TENM4: variants seen among roughly 807,000 people sequenced by gnomAD.
TENM4 encodes the protein teneurin transmembrane protein 4, also known as teneurin-4.
In TENM4, 82 loss-of-function variants were observed where a neutral mutation model predicts 243.3. That is an observed-to-expected ratio of 0.34 (90% CI 0.28 to 0.40). TENM4 has a LOEUF of 0.40. Among genes scored for constraint, TENM4 ranks in the 10% least tolerant of loss-of-function variants. The pLI is 1.00. For missense variants in TENM4, 3,138 were observed against 3,673.3 expected (o/e 0.85, Z 3.77); for synonymous variants, 1,412 against 1,456.3 (o/e 0.97, Z 0.69).
At chr11:78,868,529 C>A (rs550730107) in intron 9 of TENM4, among the ~76,000 whole-genome samples, 1 of 152,134 alleles carries the variant, frequency 6.6e-6, no homozygotes, top group African/African-American at 2.4e-5. Flanking sequence ...ACATTTTCCC[C>A]GTCGCCTTTT....
intron 2 of TENM4, among the ~76,000 whole-genome samples, chr11:79,245,723 T>A (rs1028124161): frequency 1.1e-4 from 17 of 151,966 alleles, no homozygotes; most frequent in Non-Finnish European, 2.4e-4. Context: ...GCAGATCACC[T>A]GAGGTCAGGA....
chr11:78,983,805 C>A (rs1857858659), intron 6 of TENM4, among the ~76,000 whole-genome samples: 1 of 151,948 alleles, frequency 6.6e-6, no homozygotes, highest in Non-Finnish European at 1.5e-5. Flanking sequence ...GCTGGGTGGG[C>A]TCAGTGGGGT....
chr11:79,134,717 G>A (rs1189410282), intron 4 of TENM4, among the ~76,000 whole-genome samples: 2 of 151,954 alleles, frequency 1.3e-5, no homozygotes, highest in Admixed American at 6.6e-5. Flanking sequence ...ACTGATCTTC[G>A]ACAAAGCAAA....
At chr11:78,789,176 G>T (rs1044140185) in intron 15 of TENM4, among the ~76,000 whole-genome samples, 4 of 152,104 alleles carry the variant, frequency 2.6e-5, no homozygotes, top group Non-Finnish European at 5.9e-5. Context: ...GATGAATTAC[G>T]GTATGCCTGG....
intron 4 of TENM4, among the ~76,000 whole-genome samples, chr11:79,132,705 T>A (rs914079035): frequency 6.6e-6 from 1 of 151,978 alleles, no homozygotes; most frequent in Non-Finnish European, 1.5e-5. Flanking sequence ...TTTAAAACCA[T>A]GAAAAAAACA....
intron 1 of TENM4, among the ~76,000 whole-genome samples, chr11:79,417,543 T>C (rs1858844685): frequency 1.3e-5 from 2 of 151,954 alleles, no homozygotes; most frequent in Non-Finnish European, 2.9e-5. Context: ...AACTTCGCAT[T>C]CTGCTTCTAA....
At chr11:78,847,001 A>T (rs1858411100) in intron 12 of TENM4, among the ~76,000 whole-genome samples, 1 of 152,202 alleles carries the variant, frequency 6.6e-6, no homozygotes, top group African/African-American at 2.4e-5. Context: ...ATGTAAGCTG[A>T]ATGTTTTAGG....
At chr11:79,043,660 T>A (rs763352888) in intron 6 of TENM4, among the ~76,000 whole-genome samples, 2 of 152,218 alleles carry the variant, frequency 1.3e-5, no homozygotes, top group African/African-American at 2.4e-5. Context: ...TTTTTGTCTA[T>A]AATCACTAAA....
intron 6 of TENM4, among the ~76,000 whole-genome samples, chr11:79,058,361 G>A (rs1208533681): frequency 6.6e-6 from 1 of 152,022 alleles, no homozygotes; most frequent in African/African-American, 2.4e-5. Flanking sequence ...GGCTAACACA[G>A]TGAAACCCTG....
At chr11:79,323,510 G>A (rs990466725) in intron 1 of TENM4, among the ~76,000 whole-genome samples, 1 of 152,180 alleles carries the variant, frequency 6.6e-6, no homozygotes, top group East Asian at 1.9e-4. Flanking sequence ...CACCCTCTAG[G>A]TCAAGACTTC....
Position 78,891,345 on chromosome 11 carries a change from A to G in TENM4, c.750-9T>C. The G allele has an allele frequency of 6.5e-7, 1 of 1,550,000 alleles. No homozygotes were observed. Among genetic ancestry groups the G allele is most frequent in the Non-Finnish European group, 8.7e-7 (1 of 1,145,690 alleles). ...GCTGCTTGCCTAGGTTTCTACGCACACATGGAGACATGAATGAAGCAATGA... is the reference window on the plus strand; with the variant it reads ...GCTGCTTGCCTAGGTTTCTACGCACGCATGGAGACATGAATGAAGCAATGA... On this transcript the variant is annotated splice_polypyrimidine_tract_variant and intron_variant, in intron 7 of 33. Coordinates refer to ENST00000278550, the MANE Select transcript of TENM4 (RefSeq NM_001098816.3).
At chr11:78,960,763 C>T (rs1484507514) in intron 6 of TENM4, among the ~76,000 whole-genome samples, 1 of 152,220 alleles carries the variant, frequency 6.6e-6, no homozygotes, top group Non-Finnish European at 1.5e-5. Context: ...CCTTTGCCAC[C>T]TTCGGCTATA....
chr11:78,893,366 T>C (rs1428618891), intron 7 of TENM4, among the ~76,000 whole-genome samples: 1 of 152,200 alleles, frequency 6.6e-6, no homozygotes, highest in Non-Finnish European at 1.5e-5. Flanking sequence ...TCTCTAAGCA[T>C]CCACAGAAGG....
At chr11:79,417,299 C>A (rs1375589875) in intron 1 of TENM4, among the ~76,000 whole-genome samples, 2 of 152,206 alleles carry the variant, frequency 1.3e-5, no homozygotes, top group Non-Finnish European at 2.9e-5. Context: ...GAAACCTCAG[C>A]AGCTTTGAGC....
chr11:78,911,890 C>G (rs573049326), intron 6 of TENM4, among the ~76,000 whole-genome samples: 1 of 152,196 alleles, frequency 6.6e-6, no homozygotes. Context: ...TCCCCCAGCC[C>G]GTGGCAGCTC....
At chr11:79,148,306 T>C (rs1008999440) in intron 4 of TENM4, among the ~76,000 whole-genome samples, 1 of 151,968 alleles carries the variant, frequency 6.6e-6, no homozygotes, top group Non-Finnish European at 1.5e-5. Flanking sequence ...AGACGTGGAG[T>C]GAATTTCAAG....
At chr11:78,738,393 A>T in intron 20 of TENM4, 58 bp downstream of exon 20, 1 of 1,569,596 alleles carries the variant, frequency 6.4e-7, no homozygotes, top group Non-Finnish European at 8.6e-7. Flanking sequence ...CAGCAGCTAT[A>T]TGGCAAGACC....
intron 6 of TENM4, among the ~76,000 whole-genome samples, chr11:79,063,897 A>C (rs1860167077): frequency 6.6e-6 from 1 of 152,148 alleles, no homozygotes; most frequent in Non-Finnish European, 1.5e-5. Flanking sequence ...GATCAGGGGG[A>C]AGCTGCAGCA....
Position 79,069,750 on chromosome 11 carries a change from C to A in TENM4, c.195G>T (p.Pro65=). The A allele has an allele frequency of 3.9e-6, 6 of 1,551,050 alleles. No homozygotes were observed. In the African/African-American group the frequency reaches 4.1e-5, roughly 11 times the overall value. ...AYGSRVKDIV[P]QEAEEFCRTG... is the part of the protein sequence containing the mutation. Reference sequence around the variant, plus strand: ...TGCGGCAGAATTCCTCGGCCTCCTGCGGCACAATGTCCTTGACGCGGCTGC... The same window carrying A: ...TGCGGCAGAATTCCTCGGCCTCCTGAGGCACAATGTCCTTGACGCGGCTGC... The change falls in exon 5 of 34, where the codon CCG becomes CCT. Residue 65 remains proline, a synonymous_variant. Transcript: ENST00000278550.
Sources: gnomAD v4.1 joint callset for allele counts (sites outside exome capture counted in the v4.1 genomes callset) on GRCh38, gnomAD v4.1.1 for gene constraint, MANE v1.5 for transcripts, NCBI Gene and HGNC (gene_info 2026-07-23, HGNC 2026-07-21) for gene names.